Variants in NUP210L observed in about 807,000 individuals in gnomAD.
NUP210L encodes nucleoporin 210 like.
In NUP210L, 74 loss-of-function variants were observed where a neutral mutation model predicts 208.5. That is an observed-to-expected ratio of 0.35 (90% confidence interval 0.29 to 0.43). The LOEUF (loss-of-function observed/expected upper bound fraction) is 0.43. NUP210L is among the 20% of genes least tolerant of loss of function. NUP210L has a pLI of 1.00. For synonymous variants in NUP210L, 780 were observed against 816.9 expected (o/e 0.95, Z 0.77); for missense variants, 1,843 against 2,289.4 (o/e 0.81, Z 3.98).
chr1:154,023,171 C>T (rs1651662217), exon 31 of NUP210L: 13 of 1,613,752 alleles, frequency 8.1e-6, no homozygotes, highest in African/African-American at 1.3e-5. Flanking sequence ...AATTTCTCTC[C>T]GATACTATTA....
intron 2 of NUP210L, among the ~76,000 whole-genome samples, chr1:154,144,258 T>C (rs1659008668): frequency 6.6e-6 from 1 of 152,206 alleles, no homozygotes; most frequent in Non-Finnish European, 1.5e-5. Context: ...TTATACTTTA[T>C]TCTACGTCTT....
chr1:154,014,878 C>T (rs1651152378), intron 33 of NUP210L, among the ~76,000 whole-genome samples: 2 of 152,090 alleles, frequency 1.3e-5, no homozygotes, highest in Non-Finnish European at 2.9e-5. Flanking sequence ...GTGGCACACA[C>T]CTGTAGTCCT....
chr1:154,009,734 G>A (rs1045264075), intron 35 of NUP210L, among the ~76,000 whole-genome samples: 4 of 147,456 alleles, frequency 2.7e-5, no homozygotes, highest in Non-Finnish European at 5.9e-5. Flanking sequence ...TAAGGTTACA[G>A]TGAGCTATGA....
chr1:154,125,526 G>T (rs986814842), intron 10 of NUP210L, among the ~76,000 whole-genome samples: 1 of 150,428 alleles, frequency 6.6e-6, no homozygotes, highest in African/African-American at 2.4e-5. Context: ...GGGGGCTAAG[G>T]TGGGAGGATT....
intron 16 of NUP210L, among the ~76,000 whole-genome samples, chr1:154,071,080 G>T (rs11264996): frequency 0.27 from 40,608 of 149,514 alleles, 5,741 homozygotes; most frequent in Admixed American, 0.37. Context: ...CCAGTTTTTT[G>T]TTTTGTTTTG....
chr1:153,993,742 T>TA (rs1399890689), intron 38 of NUP210L, among the ~76,000 whole-genome samples: 1 of 151,318 alleles, frequency 6.6e-6, no homozygotes, highest in Non-Finnish European at 1.5e-5. Flanking sequence ...CCACTAAAAA[T>TA]AAAAAATTAG....
chr1:154,052,670 G>A (rs1249474459), intron 25 of NUP210L, among the ~76,000 whole-genome samples: 1 of 152,156 alleles, frequency 6.6e-6, no homozygotes, highest in African/African-American at 2.4e-5. Context: ...CATGCTTTCT[G>A]ATCTCAGTAT....
intron 38 of NUP210L, among the ~76,000 whole-genome samples, chr1:153,993,623 T>G (rs1200279573): frequency 1.3e-5 from 2 of 150,440 alleles, no homozygotes; most frequent in Non-Finnish European, 3.0e-5. Flanking sequence ...TTAATTTTTT[T>G]TTTTTTAGGC....
intron 17 of NUP210L, among the ~76,000 whole-genome samples, chr1:154,062,528 C>T (rs1287812328): frequency 1.3e-5 from 2 of 148,250 alleles, no homozygotes; most frequent in Admixed American, 6.7e-5. Context: ...TCTTTTCTTT[C>T]CTCTTTCACT....
At chr1:154,122,168 T>C (rs1404194276) in intron 10 of NUP210L, among the ~76,000 whole-genome samples, 1 of 152,224 alleles carries the variant, frequency 6.6e-6, no homozygotes, top group East Asian at 1.9e-4. Flanking sequence ...CTTTATGTGA[T>C]AAATTCAACC....
At chr1:154,012,318 T>A in exon 34 of NUP210L, 1 of 1,613,534 alleles carries the variant, frequency 6.2e-7, no homozygotes. Flanking sequence ...ATTGGTGAGA[T>A]AAGTCTTGAG....
At chr1:154,129,206 C>T (rs1026553544) in intron 8 of NUP210L, 71 bp downstream of exon 8, 2 of 839,680 alleles carry the variant, frequency 2.4e-6, no homozygotes, top group Non-Finnish European at 3.9e-6. Context: ...TGAAGAAATG[C>T]TGTATAATGC....
chr1:154,068,531 T>C (rs1654529894), intron 17 of NUP210L, among the ~76,000 whole-genome samples: 2 of 151,756 alleles, frequency 1.3e-5, no homozygotes, highest in Non-Finnish European at 2.9e-5. Flanking sequence ...AATACAAAAA[T>C]TAGCTGGGTG....
chr1:154,077,941 C>T (rs1427905039), intron 16 of NUP210L, among the ~76,000 whole-genome samples: 4 of 151,852 alleles, frequency 2.6e-5, no homozygotes, highest in East Asian at 1.9e-4. Flanking sequence ...GCCAAGATCA[C>T]GCCACTGCAC....
At chr1:153,995,028 A>G (rs1649744694) in intron 38 of NUP210L, 48 bp downstream of exon 38, 11 of 1,132,110 alleles carry the variant, frequency 9.7e-6, no homozygotes, top group South Asian at 1.4e-5. Flanking sequence ...AAAAAAAAAA[A>G]GGCAGTTTTC....
intron 14 of NUP210L, among the ~76,000 whole-genome samples, chr1:154,098,343 G>A (rs1279928858): frequency 6.6e-6 from 1 of 152,242 alleles, no homozygotes; most frequent in Non-Finnish European, 1.5e-5. Context: ...ACAACGTGGT[G>A]AGCAAGGGGT....
At chr1:154,147,600 T>C (rs1165551349) in intron 2 of NUP210L, among the ~76,000 whole-genome samples, 2 of 151,780 alleles carry the variant, frequency 1.3e-5, no homozygotes, top group Non-Finnish European at 2.9e-5. Flanking sequence ...TGCCTCAGCC[T>C]CTCAGAGTGC....
chr1:154,039,441 G>A (rs1652738552), intron 27 of NUP210L, among the ~76,000 whole-genome samples: 1 of 151,940 alleles, frequency 6.6e-6, no homozygotes, highest in African/African-American at 2.4e-5. Flanking sequence ...TCACCATGTT[G>A]GCTAGGCTGG....
Position 154,000,866 on chromosome 1 carries a change from C to T in NUP210L, c.5376G>A (p.Lys1792=). The T allele has an allele frequency of 3.7e-6, 6 of 1,613,904 alleles. No individual in the cohort carries two copies. In the African/African-American group the frequency reaches 5.3e-5, roughly 14 times the overall value. The change falls in exon 37 of 40, where the codon AAG becomes AAA. Residue 1792 remains lysine (K), a synonymous_variant. Coordinates refer to ENST00000368559, the Ensembl canonical transcript of NUP210L. ...ATCTCTGATGCTTACCTGCACCCAACTTATCTTTCATAGCCCTCACTACCA... is the reference window on the plus strand; with the variant it reads ...ATCTCTGATGCTTACCTGCACCCAATTTATCTTTCATAGCCCTCACTACCA...
Sources: allele counts gnomAD v4.1 joint callset (sites outside exome capture counted in the v4.1 genomes callset), GRCh38; gene constraint gnomAD v4.1.1; transcripts MANE v1.5; gene names NCBI Gene and HGNC (gene_info 2026-07-23, HGNC 2026-07-21).